CCBE1: variants seen among roughly 807,000 people sequenced by gnomAD.
CCBE1 encodes collagen and calcium binding EGF domains 1.
A neutral mutation model predicts 50.0 loss-of-function variants in CCBE1; 37 were observed. That is an observed-to-expected ratio of 0.74 (90% CI 0.57 to 0.97). The LOEUF (loss-of-function observed/expected upper bound fraction) is 0.97, where lower values mean the gene tolerates loss of function less well. Among genes scored for constraint, CCBE1 ranks in the 50% least tolerant of loss-of-function variants. The pLI is 0.00. For missense variants in CCBE1, 538 were observed against 523.8 expected (o/e 1.03, Z -0.26); for synonymous variants, 234 against 203.7 (o/e 1.15, Z -1.27).
At chr18:59,541,955 T>C (rs189924065) in intron 2 of CCBE1, among the ~76,000 whole-genome samples, 128 of 152,232 alleles carry the variant, frequency 8.4e-4, no homozygotes, top group Admixed American at 1.6e-3. Context: ...AGTGGGTGGA[T>C]AGCTTGAGCC....
At chr18:59,545,418 T>C (rs1166822103) in intron 2 of CCBE1, among the ~76,000 whole-genome samples, 1 of 152,204 alleles carries the variant, frequency 6.6e-6, no homozygotes, top group Non-Finnish European at 1.5e-5. Context: ...TTTGTTTTCA[T>C]GGAAATGGTC....
intron 2 of CCBE1, among the ~76,000 whole-genome samples, chr18:59,643,658 A>C (rs1032826910): frequency 2.6e-5 from 4 of 152,146 alleles, no homozygotes. Flanking sequence ...AGTGTCTGCT[A>C]AAAATACAAA....
chr18:59,627,969 T>G (rs1302239320), intron 2 of CCBE1, among the ~76,000 whole-genome samples: 1 of 152,178 alleles, frequency 6.6e-6, no homozygotes, highest in Non-Finnish European at 1.5e-5. Context: ...TCCGGGTACT[T>G]TGGGAGGCCA....
chr18:59,441,875 A>G (rs564218062), intron 7 of CCBE1, among the ~76,000 whole-genome samples: 14 of 152,318 alleles, frequency 9.2e-5, no homozygotes, highest in East Asian at 5.8e-4. Flanking sequence ...ACCATCTAAC[A>G]TAAGTGTAAT....
At position 59,433,159 on chromosome 18, in the gene CCBE1, C is replaced by G. The variant is rs1177124508; in HGVS notation, c.*2749G>C. On this transcript the variant is annotated 3_prime_UTR_variant, in exon 11 of 11. Transcript: ENST00000439986. ...AGATGCTAGATAAAGAGCACCCCAC[C>G]CTAAAAAGAAATTTTTTCTTTTTAA... 6.6e-6 allele frequency: 1 copy of G among 152,064 alleles called. No individual in the cohort carries two copies. Among genetic ancestry groups the G allele is most frequent in the African/African-American group, 2.4e-5 (1 of 41,392 alleles). The allele number at this position is 152,064 out of a possible 1,614,324, so 9.4% of individuals were successfully genotyped here.
At chr18:59,551,971 A>G (rs1313563087) in intron 2 of CCBE1, among the ~76,000 whole-genome samples, 1 of 152,204 alleles carries the variant, frequency 6.6e-6, no homozygotes, top group Admixed American at 6.5e-5. Flanking sequence ...CATGTGGCCT[A>G]AGCTCAGCTG....
chr18:59,478,855 A>G (rs1912435642), intron 3 of CCBE1, among the ~76,000 whole-genome samples: 1 of 152,226 alleles, frequency 6.6e-6, no homozygotes, highest in South Asian at 2.1e-4. Context: ...CCATCATGCT[A>G]TAACCAACAG....
chr18:59,444,073 TC>T (rs1335607379), intron 7 of CCBE1, among the ~76,000 whole-genome samples: 1 of 152,130 alleles, frequency 6.6e-6, no homozygotes, highest in East Asian at 1.9e-4. Flanking sequence ...AAAATTTCCA[TC>T]TTTTTAAAGG....
chr18:59,531,958 G>A (rs1915069877), intron 2 of CCBE1, among the ~76,000 whole-genome samples: 1 of 152,194 alleles, frequency 6.6e-6, no homozygotes, highest in Admixed American at 6.5e-5. Context: ...AAATGACCAT[G>A]TATCACAACA....
At chr18:59,468,990 A>G (rs1012352236) in intron 4 of CCBE1, among the ~76,000 whole-genome samples, 1 of 152,178 alleles carries the variant, frequency 6.6e-6, no homozygotes, top group Non-Finnish European at 1.5e-5. Flanking sequence ...CCAGTTCATG[A>G]GGGTGGCAGT....
chr18:59,616,348 C>A (rs11663187), intron 2 of CCBE1, among the ~76,000 whole-genome samples: 50,997 of 151,970 alleles, frequency 0.34, 9,003 homozygotes, highest in East Asian at 0.61. Context: ...TCATGGGAGA[C>A]CCCAGATGTG....
intron 2 of CCBE1, among the ~76,000 whole-genome samples, chr18:59,499,668 C>T (rs1457111040): frequency 6.6e-6 from 1 of 152,194 alleles, no homozygotes; most frequent in East Asian, 1.9e-4. Context: ...AATTACCTCC[C>T]ACCAGGTTCC....
intron 2 of CCBE1, among the ~76,000 whole-genome samples, chr18:59,535,389 C>T (rs767121810): frequency 2.0e-5 from 3 of 152,006 alleles, no homozygotes; most frequent in South Asian, 2.1e-4. Flanking sequence ...TGTAAAAGCC[C>T]GGCATTACCG....
intron 2 of CCBE1, among the ~76,000 whole-genome samples, chr18:59,550,735 TAC>T (rs1247272433): frequency 1.3e-5 from 2 of 151,712 alleles, no homozygotes; most frequent in Non-Finnish European, 2.9e-5. Flanking sequence ...GACAGAAAAA[TAC>T]AGTCATGTGG....
chr18:59,522,881 A>T (rs1384364320), intron 2 of CCBE1, among the ~76,000 whole-genome samples: 1 of 151,098 alleles, frequency 6.6e-6, no homozygotes, highest in Admixed American at 6.6e-5. Flanking sequence ...AGTCCCAGCT[A>T]CTCGGGAGGC....
intron 7 of CCBE1, among the ~76,000 whole-genome samples, chr18:59,442,974 G>GT (rs895778596): frequency 2.0e-5 from 3 of 151,152 alleles, no homozygotes; most frequent in Non-Finnish European, 4.4e-5. Flanking sequence ...GCCCATCTCT[G>GT]TAGAGGTTGA....
chr18:59,540,673 T>C (rs1435787699), intron 2 of CCBE1, among the ~76,000 whole-genome samples: 1 of 152,218 alleles, frequency 6.6e-6, no homozygotes, highest in Non-Finnish European at 1.5e-5. Context: ...CCCAAATGAA[T>C]TCATGTTCTA....
At chr18:59,590,625 C>A (rs571454210) in intron 2 of CCBE1, among the ~76,000 whole-genome samples, 1 of 152,018 alleles carries the variant, frequency 6.6e-6, no homozygotes, top group African/African-American at 2.4e-5. Flanking sequence ...AACATACAAC[C>A]GCATCTTAAG....
chr18:59,642,557 T>C (rs1231682067), intron 2 of CCBE1, among the ~76,000 whole-genome samples: 2 of 152,080 alleles, frequency 1.3e-5, no homozygotes, highest in Admixed American at 6.5e-5. Context: ...AAAACATATG[T>C]CTAAGAACAA....
Sources: allele counts gnomAD v4.1 joint callset (sites outside exome capture counted in the v4.1 genomes callset), GRCh38; gene constraint gnomAD v4.1.1; transcripts MANE v1.5; gene names NCBI Gene and HGNC (gene_info 2026-07-23, HGNC 2026-07-21).